Variants in SIRPA observed in about 807,000 individuals in gnomAD.
SIRPA encodes signal regulatory protein alpha.
A neutral mutation model predicts 50.3 loss-of-function variants in SIRPA; 9 were observed. That is an observed-to-expected ratio of 0.18 (90% CI 0.11 to 0.31). The LOEUF (loss-of-function observed/expected upper bound fraction) is 0.31. SIRPA is among the 10% of genes least tolerant of loss of function. SIRPA has a pLI of 1.00. For synonymous variants in SIRPA, 265 were observed against 284.1 expected (o/e 0.93, Z 0.68); for missense variants, 474 against 661.6 (o/e 0.72, Z 3.11).
chr20:1,904,540 C>G (rs1984432921), intron 1 of SIRPA, among the ~76,000 whole-genome samples: 1 of 152,184 alleles, frequency 6.6e-6, no homozygotes, highest in African/African-American at 2.4e-5. Context: ...ATCTGGTCCT[C>G]CGTGAAATGG....
At chr20:1,903,800 G>T (rs957197276) in intron 1 of SIRPA, among the ~76,000 whole-genome samples, 1 of 152,164 alleles carries the variant, frequency 6.6e-6, no homozygotes, top group East Asian at 1.9e-4. Flanking sequence ...TTCCAAAAGA[G>T]GTTATCGCTT....
chr20:1,905,473 G>A (rs909726364), intron 1 of SIRPA, among the ~76,000 whole-genome samples: 20 of 152,304 alleles, frequency 1.3e-4, no homozygotes, highest in Admixed American at 1.3e-3. Flanking sequence ...CTAAATGAAG[G>A]CTTCTGGTTA....
At chr20:1,908,751 C>G (rs1984704688) in intron 1 of SIRPA, among the ~76,000 whole-genome samples, 1 of 152,192 alleles carries the variant, frequency 6.6e-6, no homozygotes, top group African/African-American at 2.4e-5. Context: ...CTGTGTGCAT[C>G]CGCTTTAATG....
At position 1,934,811 on chromosome 20, in the gene SIRPA, A is replaced by G. The variant is rs942398182; in HGVS notation, c.1266+57A>G. ...AAACTCCGTGGCGTGGTTGCTTCACATCAACCGGAATTGCAGATCTGGTTC... is the reference window on the plus strand; with the variant it reads ...AAACTCCGTGGCGTGGTTGCTTCACGTCAACCGGAATTGCAGATCTGGTTC... On this transcript the variant is annotated intron_variant, in intron 7 of 7. Transcript: ENST00000358771. This position sits in a 1 kb window ranked among gnomAD's most constrained non-coding sequence, Gnocchi z 4.6. 4 of 1,581,556 alleles carry G rather than the reference A, an allele frequency of 2.5e-6. No homozygotes were observed. The highest frequency in any genetic ancestry group is 2.7e-5 in the African/African-American group (2 of 74,152).
intron 1 of SIRPA, among the ~76,000 whole-genome samples, chr20:1,906,460 G>A (rs898005005): frequency 6.6e-6 from 1 of 152,162 alleles, no homozygotes; most frequent in African/African-American, 2.4e-5. Context: ...AGACAGAATG[G>A]CCAAGGAAGG....
intron 1 of SIRPA, among the ~76,000 whole-genome samples, chr20:1,903,237 A>G (rs1984345775): frequency 2.0e-5 from 3 of 152,250 alleles, no homozygotes; most frequent in Admixed American, 2.0e-4. Flanking sequence ...GATCTGGCTC[A>G]TTGAGCACCT....
chr20:1,923,565 A>T lies in SIRPA; in HGVS notation c.1087+920A>T, dbSNP rs188678585. On this transcript the variant is annotated intron_variant, in intron 4 of 7. Transcript: ENST00000358771. ...TGGGTTTTCATAGTACGTGTGGAGC[A>T]TTGGCCAATGCCGGGTTTTCCTAGG... Among the ~76,000 whole-genome samples the T allele has an allele frequency of 1.8e-3, 280 of 152,314 alleles. 1 individual carries two copies. Among genetic ancestry groups the T allele is most frequent in the Middle Eastern group, 0.01 (3 of 294 alleles).
At chr20:1,896,614 C>A (rs1361426986) in intron 1 of SIRPA, among the ~76,000 whole-genome samples, 2 of 151,984 alleles carry the variant, frequency 1.3e-5, no homozygotes, top group African/African-American at 4.8e-5. Flanking sequence ...TGTCCAACAC[C>A]CCCTTTTGCG....
intron 1 of SIRPA, 106 bp downstream of exon 1, chr20:1,895,632 G>C (rs1330694718): frequency 1.2e-6 from 1 of 844,126 alleles, no homozygotes; most frequent in Non-Finnish European, 1.7e-6. Context: ...GTAATAGGGG[G>C]AGAGACGCCT....
intron 1 of SIRPA, among the ~76,000 whole-genome samples, chr20:1,905,416 G>A (rs1984486536): frequency 6.6e-6 from 1 of 152,168 alleles, no homozygotes; most frequent in South Asian, 2.1e-4. Flanking sequence ...TGTAGGAGGG[G>A]ACAGTGACAA....
intron 1 of SIRPA, among the ~76,000 whole-genome samples, chr20:1,901,768 C>T (rs1026723830): frequency 2.0e-5 from 3 of 152,106 alleles, no homozygotes; most frequent in Non-Finnish European, 2.9e-5. Flanking sequence ...CTGGCACATT[C>T]GTTCGGGGGC....
chr20:1,899,233 C>T (rs1183571519), intron 1 of SIRPA, among the ~76,000 whole-genome samples: 1 of 151,850 alleles, frequency 6.6e-6, no homozygotes, highest in Non-Finnish European at 1.5e-5. Context: ...AAACACAAAG[C>T]TGCCGTGAGG....
chr20:1,895,281 ACCGCGG>A, upstream of SIRPA: 1 of 418,030 alleles, frequency 2.4e-6, no homozygotes, highest in Non-Finnish European at 4.0e-6. Context: ...GTCTCCAAAA[ACCGCGG>A]CGGCGGCGGC....
intron 2 of SIRPA, among the ~76,000 whole-genome samples, chr20:1,921,087 C>A (rs1022392218): frequency 6.6e-6 from 1 of 152,184 alleles, no homozygotes; most frequent in Non-Finnish European, 1.5e-5. Flanking sequence ...TGAGATGGAT[C>A]GTTAATTTTG....
intron 1 of SIRPA, among the ~76,000 whole-genome samples, chr20:1,903,028 A>AAAAAAAAAAAAAAAAAAAG (rs1984325731): frequency 8.4e-6 from 1 of 119,278 alleles, no homozygotes; most frequent in African/African-American, 3.6e-5. Flanking sequence ...AAAAAAAAAA[A>AAAAAAAAAAAAAAAAAAAG]AAAAGAAAAG....
rs941520319 is a variant in SIRPA, at chr20:1,928,940, T to C, written c.1226+1041T>C. Reference sequence around the variant, plus strand: ...GCAGAGCAGAGGCAGCACACCATCATCTGCCATGTGAACCCATCTGCATAG... The same window carrying C: ...GCAGAGCAGAGGCAGCACACCATCACCTGCCATGTGAACCCATCTGCATAG... On this transcript the variant is annotated intron_variant, in intron 6 of 7. Coordinates refer to ENST00000358771, the MANE Select transcript of SIRPA (RefSeq NM_001040023.2). The surrounding 1 kb of genome is among the most constrained non-coding windows in gnomAD (Gnocchi z 4.9). 2.6e-5 allele frequency among the ~76,000 whole-genome samples: 4 copies of C among 152,202 alleles called. No individual in the cohort carries two copies. The highest frequency in any genetic ancestry group is 9.7e-5 in the African/African-American group (4 of 41,440).
At chr20:1,917,005 A>G (rs1396636004) in intron 2 of SIRPA, among the ~76,000 whole-genome samples, 2 of 152,226 alleles carry the variant, frequency 1.3e-5, no homozygotes, top group African/African-American at 4.8e-5. Flanking sequence ...TGAAGTTCCC[A>G]GATGATGCAT....
chr20:1,908,805 T>C (rs1356314025), intron 1 of SIRPA, among the ~76,000 whole-genome samples: 1 of 152,232 alleles, frequency 6.6e-6, no homozygotes, highest in African/African-American at 2.4e-5. Context: ...CTGTACTATA[T>C]CCTGTGTACA....
chr20:1,917,548 A>G (rs1985377256), intron 2 of SIRPA, among the ~76,000 whole-genome samples: 1 of 152,198 alleles, frequency 6.6e-6, no homozygotes, highest in Non-Finnish European at 1.5e-5. Context: ...TTGAAAGAAA[A>G]AACAAAACAA....
Sources: gnomAD v4.1 joint callset for allele counts (sites outside exome capture counted in the v4.1 genomes callset) on GRCh38, gnomAD v4.1.1 for gene constraint, Gnocchi (gnomAD v3.1) non-coding constraint, MANE v1.5 for transcripts, NCBI Gene and HGNC (gene_info 2026-07-23, HGNC 2026-07-21) for gene names.